WWC2: variants seen among roughly 807,000 people sequenced by gnomAD.
WWC2 encodes the protein protein WWC2.
In WWC2, 101 loss-of-function variants were observed where a neutral mutation model predicts 138.5. The ratio of observed to expected loss-of-function variants is 0.73; its 90% CI spans 0.62 to 0.86. WWC2 has a LOEUF of 0.86. Among genes scored for constraint, WWC2 ranks in the 40% least tolerant of loss-of-function variants. The probability of loss-of-function intolerance (pLI) is 0.00; values close to 1 mark genes in which losing one functional copy is unlikely to be tolerated. For synonymous variants in WWC2, 558 were observed against 538.4 expected, an observed-to-expected ratio of 1.04 and a Z score of -0.50; for missense variants, 1,420 against 1,419.4, an observed-to-expected ratio of 1.00 and a Z score of -0.01.
At chr4:183,252,560 G>A (rs568978456) in intron 8 of WWC2, among the ~76,000 whole-genome samples, 2 of 152,268 alleles carry the variant, frequency 1.3e-5, no homozygotes, top group South Asian at 4.2e-4. Context: ...TTTGCCTTTG[G>A]TGCATTTTCC....
chr4:183,265,397 A>G (rs1737469935), intron 12 of WWC2, among the ~76,000 whole-genome samples: 1 of 152,250 alleles, frequency 6.6e-6, no homozygotes, highest in South Asian at 2.1e-4. Flanking sequence ...TGTTTGGCAC[A>G]TGAAGCTTCT....
chr4:183,284,054 A>G (rs1178426388), intron 18 of WWC2, among the ~76,000 whole-genome samples, 172 bp from the exon 19 acceptor site: 2 of 152,242 alleles, frequency 1.3e-5, no homozygotes, highest in African/African-American at 4.8e-5. Context: ...AATTCTCCCC[A>G]GAAGTACTTC....
chr4:183,256,009 C>T (rs1474151707), intron 9 of WWC2, among the ~76,000 whole-genome samples: 1 of 151,792 alleles, frequency 6.6e-6, no homozygotes, highest in African/African-American at 2.4e-5. Context: ...GGGTTTGTGT[C>T]ATCTGGGGAG....
At chr4:183,267,265 ACAT>A (rs1212852882) in intron 14 of WWC2, among the ~76,000 whole-genome samples, 1 of 152,192 alleles carries the variant, frequency 6.6e-6, no homozygotes, top group Non-Finnish European at 1.5e-5. Context: ...TGGACTGTCC[ACAT>A]CATTAGTGAG....
At chr4:183,115,970 T>C (rs1293440288) in intron 1 of WWC2, among the ~76,000 whole-genome samples, 1 of 152,190 alleles carries the variant, frequency 6.6e-6, no homozygotes, top group Non-Finnish European at 1.5e-5. Context: ...TTTATAGTTT[T>C]AGGTTTTACA....
At chr4:183,243,966 G>A (rs1159016384) in intron 5 of WWC2, among the ~76,000 whole-genome samples, 1 of 152,112 alleles carries the variant, frequency 6.6e-6, no homozygotes, top group Non-Finnish European at 1.5e-5. Flanking sequence ...TCTTGTTTGA[G>A]TGGACTTTGT....
intron 4 of WWC2, among the ~76,000 whole-genome samples, chr4:183,220,559 G>T (rs1042086644): frequency 4.2e-4 from 64 of 151,836 alleles, no homozygotes; most frequent in African/African-American, 1.3e-3. Context: ...AAATGGCCGG[G>T]CGCGGTGGCT....
intron 1 of WWC2, among the ~76,000 whole-genome samples, chr4:183,101,527 C>A (rs1743180595): frequency 6.6e-6 from 1 of 152,134 alleles, no homozygotes; most frequent in Non-Finnish European, 1.5e-5. Flanking sequence ...TGACGACTTA[C>A]AAATATTTCT....
At position 183,319,376 on chromosome 4, in the gene WWC2, T is replaced by C; in HGVS notation, c.*3647T>C. The C allele has an allele frequency of 1.5e-6, 1 of 673,314 alleles. No individual in the cohort carries two copies. The highest frequency in any genetic ancestry group is 2.5e-6 in the Non-Finnish European group (1 of 399,218). 41.7% of individuals were successfully genotyped at this position (673,314 alleles called of 1,614,324 possible). ...ACTATTCAGTCTTGATTGATTTTGG[T>C]CTCAGACTAGAAGATAAAAATGGTT... On this transcript the variant is annotated 3_prime_UTR_variant, in exon 23 of 23. Transcript: ENST00000403733.
At chr4:183,296,672 G>A (rs193000094) in intron 21 of WWC2, among the ~76,000 whole-genome samples, 7 of 152,110 alleles carry the variant, frequency 4.6e-5, no homozygotes, top group Admixed American at 3.9e-4. Context: ...GGTGGCTCAC[G>A]CCTGTAATCC....
At chr4:183,191,718 T>A (rs540356846) in intron 1 of WWC2, among the ~76,000 whole-genome samples, 11 of 100,916 alleles carry the variant, frequency 1.1e-4, no homozygotes, top group South Asian at 4.5e-4. Flanking sequence ...TTCTATTATT[T>A]TTTTTTAATC....
chr4:183,099,446 C>T lies in WWC2; in HGVS notation c.-46C>T, dbSNP rs1743084499. ...GCAGCCGCGTTCCCGCCGCGTCCCGCGCCCGGTACCTATGGAGGCGCCGCT... is the reference window on the plus strand; with the variant it reads ...GCAGCCGCGTTCCCGCCGCGTCCCGTGCCCGGTACCTATGGAGGCGCCGCT... On this transcript the variant is annotated 5_prime_UTR_variant, in exon 1 of 23. Coordinates refer to ENST00000403733, the MANE Select transcript of WWC2 (RefSeq NM_024949.6). 8 of 1,213,350 alleles carry T rather than the reference C, an allele frequency of 6.6e-6. No homozygotes were observed. The highest frequency in any genetic ancestry group is 8.3e-6 in the Non-Finnish European group (8 of 969,210). The allele number at this position is 1,213,350 out of a possible 1,614,324, so 75.2% of individuals were successfully genotyped here.
chr4:183,247,592 T>C (rs1222999789), intron 6 of WWC2, among the ~76,000 whole-genome samples: 7 of 137,610 alleles, frequency 5.1e-5, no homozygotes, highest in African/African-American at 2.0e-4. Context: ...ATACTATATA[T>C]ATGCTATATA....
At chr4:183,271,379 T>G (rs1159730131) in intron 16 of WWC2, 138 bp downstream of exon 16, 1 of 670,934 alleles carries the variant, frequency 1.5e-6, no homozygotes, top group African/African-American at 1.9e-5. Flanking sequence ...TTTTCTCCTT[T>G]CACAACTTTG....
rs946029260 is a variant in WWC2 at position 183,249,574 on chromosome 4, A to C, written c.880-346A>C. On this transcript the variant is annotated intron_variant, in intron 7 of 22. Coordinates refer to ENST00000403733, the MANE Select transcript of WWC2 (RefSeq NM_024949.6). ...GAAATTAGGCTCATAAAGGCAAAAAAATTAGTTCCAGTTCATAAATTTTAT... is the reference window on the plus strand; with the variant it reads ...GAAATTAGGCTCATAAAGGCAAAAACATTAGTTCCAGTTCATAAATTTTAT... 4.6e-5 allele frequency among the ~76,000 whole-genome samples: 7 copies of C among 152,222 alleles called. No individual in the cohort carries two copies. In the East Asian group the frequency reaches 1.3e-3, roughly 29 times the overall value.
Position 183,265,950 on chromosome 4 carries a change from G to A in WWC2, c.2206G>A (p.Val736Ile), listed in dbSNP as rs769602953. The change falls in exon 14 of 23, where the codon GTA (valine) becomes ATA (isoleucine). Residue 736 changes from valine to isoleucine, a missense_variant and splice_region_variant. Val to Ile is a conservative substitution (Grantham distance 29). Transcript: ENST00000403733. Reference protein sequence around the residue: ...HAFLIPHTSKVYFRVAVLPSS... With the variant: ...HAFLIPHTSKIYFRVAVLPSS... Reference sequence around the variant, plus strand: ...CTTCTTGATACCTCATACTTCAAAAGTGTAAGTAAAATCAGCGAAGATCAA... The same window carrying A: ...CTTCTTGATACCTCATACTTCAAAAATGTAAGTAAAATCAGCGAAGATCAA... 9.9e-6 allele frequency: 16 copies of A among 1,610,144 alleles called. No homozygotes were observed. Among genetic ancestry groups the A allele is most frequent in the Middle Eastern group, 3.3e-4 (2 of 6,078 alleles).
At chr4:183,127,953 A>G (rs939932538) in intron 1 of WWC2, among the ~76,000 whole-genome samples, 5 of 152,052 alleles carry the variant, frequency 3.3e-5, no homozygotes, top group African/African-American at 1.2e-4. Context: ...AAAGAAATGT[A>G]CATTATAATT....
chr4:183,105,035 T>G lies in WWC2; in HGVS notation c.131+5413T>G, dbSNP rs145769150. On this transcript the variant is annotated intron_variant, in intron 1 of 22. Transcript: ENST00000403733. ...GATTCTCCTGCCTCAGCTTCCTGAG[T>G]AGCTGGGATTACAGGTGCACGCCAC... is the stretch of plus-strand genomic sequence containing the variant. 5.1e-3 allele frequency among the ~76,000 whole-genome samples: 781 copies of G among 152,276 alleles called. 13 individuals are homozygous for G. Among genetic ancestry groups the G allele is most frequent in the African/African-American group, 0.017 (726 of 41,546 alleles).
In WWC2 at chr4:183,306,591, T is replaced by A. The variant is rs917767884; in HGVS notation, c.3385-5750T>A. On this transcript the variant is annotated intron_variant, in intron 21 of 22. Coordinates refer to ENST00000403733, the MANE Select transcript of WWC2 (RefSeq NM_024949.6). The stretch of plus-strand genomic sequence containing the variant: ...GGTAACAATTTTTTTTTTTTGGAGA[T>A]GGAGTCTCGCTCTGTCACCCAGGCT... Among the ~76,000 whole-genome samples the A allele has an allele frequency of 5.3e-5, 8 of 151,986 alleles. No individual in the cohort carries two copies. The East Asian group carries it at 1.5e-3, about 29-fold the overall frequency.
Sources: gnomAD v4.1 joint callset for allele counts (sites outside exome capture counted in the v4.1 genomes callset) on GRCh38, gnomAD v4.1.1 for gene constraint, MANE v1.5 for transcripts, NCBI Gene and HGNC (gene_info 2026-07-23, HGNC 2026-07-21) for gene names.